Variants in ALK observed in about 807,000 individuals in gnomAD.
ALK encodes the protein ALK receptor tyrosine kinase.
In ALK, 74 loss-of-function variants were observed where a neutral mutation model predicts 163.1. The ratio of observed to expected loss-of-function variants is 0.45; its 90% CI spans 0.38 to 0.55. The LOEUF is 0.55. Ranked by LOEUF, ALK falls within the 20% of genes least tolerant of loss-of-function variation. The pLI, the probability that ALK is intolerant of heterozygous loss-of-function variation, is 0.00. For synonymous variants in ALK, 960 were observed against 843.2 expected (o/e 1.14, Z -2.40); for missense variants, 2,063 against 2,105.3 (o/e 0.98, Z 0.39).
intron 23 of ALK, among the ~76,000 whole-genome samples, chr2:29,217,560 C>T (rs189733310): frequency 3.3e-5 from 5 of 152,242 alleles, no homozygotes; most frequent in East Asian, 1.9e-4. Context: ...CTGTCTACCG[C>T]GTCTGCACAT....
intron 4 of ALK, among the ~76,000 whole-genome samples, chr2:29,431,417 C>T (rs534190132): frequency 4.6e-5 from 7 of 152,252 alleles, no homozygotes; most frequent in Admixed American, 2.0e-4. Flanking sequence ...CCAACTGATT[C>T]GAATTTTAGC....
intron 4 of ALK, among the ~76,000 whole-genome samples, chr2:29,459,026 G>T (rs1434579427): frequency 1.3e-5 from 2 of 152,038 alleles, no homozygotes; most frequent in Non-Finnish European, 2.9e-5. Flanking sequence ...ATAAGTTCCT[G>T]GGACTCACCT....
chr2:29,199,329 T>A (rs1669102574), intron 26 of ALK, among the ~76,000 whole-genome samples: 1 of 152,244 alleles, frequency 6.6e-6, no homozygotes. Context: ...CCTATTTTTT[T>A]AATGTCATGA....
chr2:29,880,691 T>C (rs981539770), intron 1 of ALK, among the ~76,000 whole-genome samples: 1 of 152,210 alleles, frequency 6.6e-6, no homozygotes, highest in Non-Finnish European at 1.5e-5. Context: ...ATCTATGTGC[T>C]TGGTTATGGG....
intron 4 of ALK, among the ~76,000 whole-genome samples, chr2:29,470,195 G>C (rs1671316381): frequency 6.6e-6 from 1 of 151,772 alleles, no homozygotes; most frequent in Non-Finnish European, 1.5e-5. Flanking sequence ...TTGAATAATA[G>C]GAAGAAGAAA....
intron 3 of ALK, among the ~76,000 whole-genome samples, chr2:29,660,244 G>A (rs1337412940): frequency 1.3e-5 from 2 of 152,158 alleles, no homozygotes; most frequent in Admixed American, 1.3e-4. Flanking sequence ...GACTGGTCAT[G>A]TTAAATCCTA....
chr2:29,601,446 G>A (rs144390781), intron 3 of ALK, among the ~76,000 whole-genome samples: 1 of 152,182 alleles, frequency 6.6e-6, no homozygotes, highest in Non-Finnish European at 1.5e-5. Context: ...GACTTTGTGA[G>A]CTGTGGCATG....
At chr2:29,771,613 T>C (rs566245993) in intron 1 of ALK, among the ~76,000 whole-genome samples, 59 of 152,002 alleles carry the variant, frequency 3.9e-4, no homozygotes, top group African/African-American at 9.6e-4. Flanking sequence ...CGACTCACTG[T>C]AAGCTCCACC....
At chr2:29,566,041 G>C (rs1455353682) in intron 3 of ALK, among the ~76,000 whole-genome samples, 1 of 152,144 alleles carries the variant, frequency 6.6e-6, no homozygotes. Context: ...TGCTCCGTAT[G>C]AGAGGTTAAG....
chr2:29,295,259 G>A (rs1171927181), intron 9 of ALK, among the ~76,000 whole-genome samples: 2 of 152,166 alleles, frequency 1.3e-5, no homozygotes, highest in African/African-American at 4.8e-5. Context: ...GAGGATGAGA[G>A]TGAACCGAGT....
intron 5 of ALK, among the ~76,000 whole-genome samples, chr2:29,331,343 C>T (rs931554193): frequency 1.3e-5 from 2 of 152,106 alleles, no homozygotes; most frequent in Non-Finnish European, 2.9e-5. Context: ...TCACCCAACA[C>T]GGATGGAAAA....
intron 3 of ALK, among the ~76,000 whole-genome samples, chr2:29,575,563 A>T (rs983063350): frequency 2.6e-5 from 4 of 152,164 alleles, no homozygotes; most frequent in Non-Finnish European, 5.9e-5. Context: ...TGCTAGGGGG[A>T]AATTAGTGCT....
intron 3 of ALK, among the ~76,000 whole-genome samples, chr2:29,548,702 A>T (rs1198486795): frequency 1.3e-5 from 2 of 152,302 alleles, no homozygotes; most frequent in African/African-American, 4.8e-5. Context: ...TGCAATGCCA[A>T]GTACAGTGTT....
At chr2:29,615,193 C>T (rs72780272) in intron 3 of ALK, among the ~76,000 whole-genome samples, 15,428 of 152,002 alleles carry the variant, frequency 0.1, 980 homozygotes, top group South Asian at 0.26. Flanking sequence ...CCCTCTTCTC[C>T]TCCTTCCTAC....
intron 3 of ALK, among the ~76,000 whole-genome samples, chr2:29,559,366 A>G (rs1673953595): frequency 6.6e-6 from 1 of 152,218 alleles, no homozygotes; most frequent in African/African-American, 2.4e-5. Flanking sequence ...TTAAATAGGT[A>G]GGAGAAGCAG....
At chr2:29,226,557 G>A (rs6744522) in intron 18 of ALK, among the ~76,000 whole-genome samples, 65,483 of 150,872 alleles carry the variant, frequency 0.43, 15,824 homozygotes, top group Non-Finnish European at 0.55. Flanking sequence ...AGCTGCTGCT[G>A]TAAGGAAACC....
At chr2:29,291,950 G>A (rs1666036153) in intron 9 of ALK, among the ~76,000 whole-genome samples, 1 of 152,066 alleles carries the variant, frequency 6.6e-6, no homozygotes, top group African/African-American at 2.4e-5. Flanking sequence ...GATAAAAATT[G>A]AATAGAAAAA....
intron 4 of ALK, among the ~76,000 whole-genome samples, chr2:29,438,793 G>C (rs1670465367): frequency 6.6e-6 from 1 of 152,196 alleles, no homozygotes; most frequent in South Asian, 2.1e-4. Flanking sequence ...CTGGGGTGCT[G>C]AGAGCAAACC....
intron 2 of ALK, among the ~76,000 whole-genome samples, chr2:29,716,672 C>T (rs888179150): frequency 2.0e-5 from 3 of 152,152 alleles, no homozygotes; most frequent in Admixed American, 2.0e-4. Flanking sequence ...TCTTATTAAA[C>T]CTAGTTTCCA....
Sources: allele counts gnomAD v4.1 joint callset (sites outside exome capture counted in the v4.1 genomes callset), GRCh38; gene constraint gnomAD v4.1.1; transcripts MANE v1.5; gene names NCBI Gene and HGNC (gene_info 2026-07-23, HGNC 2026-07-21).